The following SBDS variants were observed in gnomAD, a reference collection of about 807,000 sequenced individuals.
SBDS encodes the protein ribosome maturation protein SBDS.
SBDS carries 20 observed loss-of-function variants against 26.4 expected under a neutral mutation model. The ratio of observed to expected loss-of-function variants is 0.76; its 90% CI spans 0.53 to 1.10. The LOEUF (loss-of-function observed/expected upper bound fraction) is 1.10, where lower values mean the gene tolerates loss of function less well. Among genes scored for constraint, SBDS ranks in the 50% least tolerant of loss-of-function variants. SBDS has a pLI of 0.00. For synonymous variants in SBDS, 95 were observed against 105.1 expected, an observed-to-expected ratio of 0.90 and a Z score of 0.59; for missense variants, 241 against 302.0, an observed-to-expected ratio of 0.80 and a Z score of 1.50.
chr7:66,991,039 T>A, intron 4 of SBDS, 98 bp downstream of exon 4: 3 of 1,134,520 alleles, frequency 2.6e-6, no homozygotes, highest in South Asian at 1.5e-5. Flanking sequence ...GAAAAGAAAA[T>A]ATCTGACGTT....
Position 66,987,851 on chromosome 7 carries a change from C to G in SBDS, c.*520G>C, listed in dbSNP as rs1177851580. ...CAGCATGTTCAATGAAAGGTAAGTC[C>G]GGCACAATTTTTCTATATCTGTTTC... On this transcript the variant is annotated 3_prime_UTR_variant, in exon 5 of 5. Coordinates refer to ENST00000246868, the MANE Select transcript of SBDS (RefSeq NM_016038.4). 3 of 196,228 alleles carry G rather than the reference C, an allele frequency of 1.5e-5. No homozygotes were observed. Among genetic ancestry groups the G allele is most frequent in the African/African-American group, 4.6e-5 (2 of 43,080 alleles). 12.2% of individuals were successfully genotyped at this position (196,228 alleles called of 1,614,324 possible).
At position 66,995,301 on chromosome 7, in the gene SBDS, C is replaced by A. The variant is rs1429600013; in HGVS notation, c.117G>T (p.Trp39Cys). The change falls in exon 1 of 5, where the codon TGG (tryptophan) becomes TGT (cysteine). Residue 39 changes from tryptophan to cysteine, a missense_variant. Physicochemically the swap from Trp to Cys is radical, Grantham distance 215. Transcript: ENST00000246868. ...IACYKNKVVGWRSGVEKDLDE... is the reference protein window; with the variant it reads ...IACYKNKVVGCRSGVEKDLDE... ...AGGGGGCTACTCACACGCCGCTCCG[C>A]CAGCCGACGACCTTGTTTTTGTAGC... 2 of 1,613,950 alleles carry A rather than the reference C, an allele frequency of 1.2e-6. No homozygotes were observed. The highest frequency in any genetic ancestry group is 1.7e-6 in the Non-Finnish European group (2 of 1,179,998).
At chr7:66,989,209 T>A (rs910103395) in intron 4 of SBDS, among the ~76,000 whole-genome samples, 27 of 148,552 alleles carry the variant, frequency 1.8e-4, no homozygotes, top group Non-Finnish European at 3.7e-4. Context: ...CTACAGTGGA[T>A]ACTCACATAC....
Position 66,995,582 on chromosome 7 carries a change from T to G in SBDS, c.-165A>C. On this transcript the variant is annotated 5_prime_UTR_variant, in exon 1 of 5. Coordinates refer to ENST00000246868, the MANE Select transcript of SBDS (RefSeq NM_016038.4). ...CTAGCTTCAGGCAGCCGTCACAGTGTGTCTGGCAGGCTTACTTACTGCGCA... is the reference window on the plus strand; with the variant it reads ...CTAGCTTCAGGCAGCCGTCACAGTGGGTCTGGCAGGCTTACTTACTGCGCA... The G allele has an allele frequency of 1.0e-6, 1 of 995,030 alleles. No individual in the cohort carries two copies. The highest frequency in any genetic ancestry group is 1.5e-5 in the South Asian group (1 of 65,152). The allele number at this position is 995,030 out of a possible 1,614,324, so 61.6% of individuals were successfully genotyped here. A position where few individuals can be genotyped will look rare whatever the true frequency, so the allele number is the denominator to read the frequency against.
At position 66,995,542 on chromosome 7, in the gene SBDS, C is replaced by A; in HGVS notation, c.-125G>T. 1 of 1,412,410 alleles carries A rather than the reference C, an allele frequency of 7.1e-7. No homozygotes were observed. Among genetic ancestry groups the A allele is most frequent in the Non-Finnish European group, 9.8e-7 (1 of 1,022,316 alleles). The allele number at this position is 1,412,410 out of a possible 1,614,324, so 87.5% of individuals were successfully genotyped here. A position where few individuals can be genotyped will look rare whatever the true frequency, so the allele number is the denominator to read the frequency against. On this transcript the variant is annotated 5_prime_UTR_variant, in exon 1 of 5. Coordinates refer to ENST00000246868, the MANE Select transcript of SBDS (RefSeq NM_016038.4). ...CGGCACTGACCCAACCACCAGTGCG[C>A]GGCGCCGCGACTCACTAGCTTCAGG...
At position 66,993,277 on chromosome 7, in the gene SBDS, A is replaced by G. The variant is rs1207983850; in HGVS notation, c.399T>C (p.Ile133=). The G allele has an allele frequency of 6.2e-7, 1 of 1,614,036 alleles. No homozygotes were observed. Among genetic ancestry groups the G allele is most frequent in the African/African-American group, 1.3e-5 (1 of 74,922 alleles). Reference sequence around the variant, plus strand: ...AGTGGATGTCCTTCATGGCTCTCTCAATAAGGATCACGGTGTATGGTCTCT... The same window carrying G: ...AGTGGATGTCCTTCATGGCTCTCTCGATAAGGATCACGGTGTATGGTCTCT... The part of the protein sequence containing the change: ...ETKRPYTVIL[I]ERAMKDIHYS... Residue 133 remains isoleucine, a synonymous_variant, in exon 3 of 5, where the codon ATT becomes ATC. Coordinates refer to ENST00000246868, the MANE Select transcript of SBDS (RefSeq NM_016038.4).
rs1197945757 is a variant in SBDS, at chr7:66,993,402, C to G, written c.274G>C (p.Glu92Gln). The change falls in exon 3 of 5, where the codon GAA (glutamate) becomes CAA (glutamine). Residue 92 changes from glutamate (E) to glutamine (Q), a missense_variant. By Grantham distance (29) the Glu-to-Gln change is conservative (BLOSUM62 2). Coordinates refer to ENST00000246868, the MANE Select transcript of SBDS (RefSeq NM_016038.4). The stretch of plus-strand genomic sequence containing the variant: ...CTTTCTTTATCTGATACTTGAACTT[C>G]TCCTTTAGTCAAAATCTAAAAAAAT... ...EICKQILTKGEVQVSDKERHT... is the reference protein window; with the variant it reads ...EICKQILTKGQVQVSDKERHT... The G allele has an allele frequency of 1.9e-6, 3 of 1,613,858 alleles. No homozygotes were observed. Among genetic ancestry groups the G allele is most frequent in the Non-Finnish European group, 2.5e-6 (3 of 1,179,884 alleles).
chr7:66,995,141 G>A, intron 1 of SBDS, 149 bp downstream of exon 1: 1 of 1,108,018 alleles, frequency 9.0e-7, no homozygotes, highest in African/African-American at 1.5e-5. Flanking sequence ...AGCTCGGACA[G>A]CGACGTCTCA....
At chr7:66,989,442 G>A (rs1404475581) in intron 4 of SBDS, among the ~76,000 whole-genome samples, 1 of 151,962 alleles carries the variant, frequency 6.6e-6, no homozygotes, top group African/African-American at 2.4e-5. Flanking sequence ...CTACTCGGGA[G>A]GCTGAGGCAG....
At chr7:66,990,427 G>A (rs117664594) in intron 4 of SBDS, among the ~76,000 whole-genome samples, 3,204 of 152,260 alleles carry the variant, frequency 0.021, 54 homozygotes, top group Non-Finnish European at 0.033. Context: ...TGGCATTTGG[G>A]ATTGTCTTTT....
intron 4 of SBDS, among the ~76,000 whole-genome samples, chr7:66,989,198 T>C (rs1430238010): frequency 6.7e-6 from 1 of 149,916 alleles, no homozygotes; most frequent in East Asian, 2.0e-4. Context: ...TTAGTTCACA[T>C]CTACAGTGGA....
chr7:66,990,514 C>A (rs1279794071), intron 4 of SBDS, among the ~76,000 whole-genome samples: 2 of 152,124 alleles, frequency 1.3e-5, no homozygotes, highest in African/African-American at 2.4e-5. Context: ...CCATAGTGTG[C>A]TTTGTACTAA....
In SBDS at chr7:66,988,497, T is replaced by C. The variant is rs769195730; in HGVS notation, c.627A>G (p.Val209=). The C allele has an allele frequency of 1.1e-5, 17 of 1,613,616 alleles. No homozygotes were observed. The South Asian group carries it at 1.9e-4, about 18-fold the overall frequency. Residue 209 remains valine, a splice_region_variant and synonymous_variant, in exon 5 of 5, where the codon GTA becomes GTG. Transcript: ENST00000246868. ...SEDYGQQLEI[V]CLIDPGCFRE... ...GGAAGCAGCCCGGGTCAATCAGACA[T>C]ACCTGAAACATTTAACGTAGCAGAT...
chr7:66,994,344 T>C lies in SBDS; in HGVS notation c.129-3A>G, dbSNP rs760364037. On this transcript the variant is annotated splice_polypyrimidine_tract_variant and splice_region_variant and intron_variant, in intron 1 of 4. Coordinates refer to ENST00000246868, the MANE Select transcript of SBDS (RefSeq NM_016038.4). ...GAACTTCATCGAGGTCTTTTTCCCT[T>C]GTGAGGGCAGGAGAGAAAGTCCTAT... The C allele has an allele frequency of 1.2e-6, 2 of 1,613,466 alleles. No individual in the cohort carries two copies. The highest frequency in any genetic ancestry group is 1.7e-6 in the Non-Finnish European group (2 of 1,179,620).
rs1161223721 is a variant in SBDS, at chr7:66,988,566, ACTTC to A, written c.625-71_625-68del. The A allele has an allele frequency of 2.5e-6, 4 of 1,582,224 alleles. No homozygotes were observed. In the Admixed American group the frequency reaches 5.0e-5, roughly 20 times the overall value. On this transcript the variant is annotated intron_variant, in intron 4 of 4. Transcript: ENST00000246868. Reference sequence around the variant, plus strand: ...AAGACACAGAATAAACTCAGCTTTAACTTCCTTTGAGGCAAGCACAATGCTGTCC... The same window carrying A: ...AAGACACAGAATAAACTCAGCTTTAACTTTGAGGCAAGCACAATGCTGTCC...
At chr7:66,988,590 C>A (rs12540695) in intron 4 of SBDS, 91 bp from the exon 5 acceptor site, 64,733 of 1,409,650 alleles carry the variant, frequency 0.046, 1,827 homozygotes, top group East Asian at 0.11. Flanking sequence ...AAGCACAATG[C>A]TGTCCAGATC....
Position 66,995,534 on chromosome 7 carries a change from C to T in SBDS, c.-117G>A, listed in dbSNP as rs1793094305. 1.4e-6 allele frequency: 2 copies of T among 1,480,468 alleles called. No homozygotes were observed. The highest frequency in any genetic ancestry group is 2.3e-5 in the South Asian group (2 of 86,014). 91.7% of individuals were successfully genotyped at this position (1,480,468 alleles called of 1,614,324 possible). ...TCGGCGCGCGGCACTGACCCAACCACCAGTGCGCGGCGCCGCGACTCACTA... is the reference window on the plus strand; with the variant it reads ...TCGGCGCGCGGCACTGACCCAACCATCAGTGCGCGGCGCCGCGACTCACTA... On this transcript the variant is annotated 5_prime_UTR_variant, in exon 1 of 5. It adds an upstream start codon to the 5' untranslated region. Transcript: ENST00000246868.
At position 66,991,281 on chromosome 7, in the gene SBDS, C is replaced by T. The variant is rs2129231772; in HGVS notation, c.480G>A (p.Gln160=). ...TKQQALEVIK[Q]LKEKMKIERA... Reference sequence around the variant, plus strand: ...GTTCTATCTTCATTTTCTCTTTTAACTGCTTTATCACTTCCAAAGCCTACC... The same window carrying T: ...GTTCTATCTTCATTTTCTCTTTTAATTGCTTTATCACTTCCAAAGCCTACC... The change falls in exon 4 of 5, where the codon CAG becomes CAA. Residue 160 remains glutamine (Q), a synonymous_variant. Coordinates refer to ENST00000246868, the MANE Select transcript of SBDS (RefSeq NM_016038.4). 1.9e-6 allele frequency: 3 copies of T among 1,613,186 alleles called. No homozygotes were observed. The highest frequency in any genetic ancestry group is 2.5e-6 in the Non-Finnish European group (3 of 1,179,566).
Position 66,995,540 on chromosome 7 carries a change from C to G in SBDS, c.-123G>C. Reference sequence around the variant, plus strand: ...CGCGGCACTGACCCAACCACCAGTGCGCGGCGCCGCGACTCACTAGCTTCA... The same window carrying G: ...CGCGGCACTGACCCAACCACCAGTGGGCGGCGCCGCGACTCACTAGCTTCA... On this transcript the variant is annotated 5_prime_UTR_variant, in exon 1 of 5. Coordinates refer to ENST00000246868, the MANE Select transcript of SBDS (RefSeq NM_016038.4). The G allele has an allele frequency of 4.2e-6, 6 of 1,413,970 alleles. No individual in the cohort carries two copies. The highest frequency in any genetic ancestry group is 5.9e-6 in the Non-Finnish European group (6 of 1,023,718). The allele number at this position is 1,413,970 out of a possible 1,614,324, so 87.6% of individuals were successfully genotyped here.
Sources: allele counts gnomAD v4.1 joint callset (sites outside exome capture counted in the v4.1 genomes callset), GRCh38; gene constraint gnomAD v4.1.1; transcripts MANE v1.5; gene names NCBI Gene and HGNC (gene_info 2026-07-23, HGNC 2026-07-21).